Variants in MYT1L observed in about 807,000 individuals in gnomAD.
The protein encoded by MYT1L is myelin transcription factor 1-like protein.
Under a neutral mutation model 126.7 loss-of-function variants are expected in MYT1L, and 12 were observed. That is an observed-to-expected ratio of 0.09 (90% CI 0.06 to 0.15). The LOEUF is 0.15. MYT1L is among the 10% of genes least tolerant of loss of function. The pLI is 1.00. For synonymous variants in MYT1L, 541 were observed against 604.2 expected, an observed-to-expected ratio of 0.90 and a Z score of 1.53; for missense variants, 979 against 1,585.2, an observed-to-expected ratio of 0.62 and a Z score of 6.49.
intron 3 of MYT1L, among the ~76,000 whole-genome samples, chr2:2,133,218 A>T (rs1290788742): frequency 6.6e-6 from 1 of 152,166 alleles, no homozygotes; most frequent in African/African-American, 2.4e-5. Context: ...CGGCAGTGTA[A>T]AGCGATGATC....
At chr2:2,090,057 A>C (rs2076754247) in intron 3 of MYT1L, among the ~76,000 whole-genome samples, 1 of 152,192 alleles carries the variant, frequency 6.6e-6, no homozygotes, top group South Asian at 2.1e-4. Context: ...TGCAGGTATC[A>C]TACACAGTCT....
At chr2:2,089,945 C>T (rs2076743834) in intron 3 of MYT1L, among the ~76,000 whole-genome samples, 1 of 152,198 alleles carries the variant, frequency 6.6e-6, no homozygotes, top group South Asian at 2.1e-4. Context: ...ACACAACACA[C>T]CAGACACAGC....
At chr2:2,119,408 C>G (rs975412418) in intron 3 of MYT1L, among the ~76,000 whole-genome samples, 1 of 151,766 alleles carries the variant, frequency 6.6e-6, no homozygotes, top group East Asian at 1.9e-4. Context: ...GAGTCATTAC[C>G]CAAAAGTAAT....
chr2:2,032,696 C>T (rs2066478311), intron 4 of MYT1L, among the ~76,000 whole-genome samples: 1 of 111,024 alleles, frequency 9.0e-6, no homozygotes. Flanking sequence ...GCCTCTCATC[C>T]TGTGGCCCAG....
chr2:2,267,880 C>A (rs1052362979), intron 2 of MYT1L, among the ~76,000 whole-genome samples: 2 of 151,954 alleles, frequency 1.3e-5, no homozygotes, highest in African/African-American at 4.8e-5. Context: ...AAAAAAAAAC[C>A]AAGGACAGAG....
At chr2:1,886,264 T>C in intron 18 of MYT1L, 2 of 333,244 alleles carry the variant, frequency 6.0e-6, no homozygotes, top group Non-Finnish European at 1.1e-5. Flanking sequence ...TATGCATGCA[T>C]ATCTGAAGAG....
At chr2:2,185,591 A>G (rs9677126) in intron 2 of MYT1L, among the ~76,000 whole-genome samples, 7,582 of 99,668 alleles carry the variant, frequency 0.076, 514 homozygotes, top group African/African-American at 0.16. Context: ...GGACGCAGCC[A>G]GGCCTTCCGG....
At chr2:1,962,553 G>T (rs966704161) in intron 8 of MYT1L, among the ~76,000 whole-genome samples, 2 of 152,088 alleles carry the variant, frequency 1.3e-5, no homozygotes, top group African/African-American at 4.8e-5. Flanking sequence ...TTCTCACATC[G>T]ATCGAGACTT....
chr2:2,305,957 T>C (rs2095851790), intron 1 of MYT1L: 1 of 152,242 alleles, frequency 6.6e-6, no homozygotes, highest in African/African-American at 2.4e-5. Flanking sequence ...TGCCTATTTC[T>C]GGACAATGGC....
intron 21 of MYT1L, among the ~76,000 whole-genome samples, chr2:1,836,504 C>A (rs1480663220): frequency 1.3e-5 from 2 of 151,396 alleles, no homozygotes; most frequent in Non-Finnish European, 2.9e-5. Context: ...ATTCCATCAG[C>A]CTGCACCCAA....
chr2:1,953,418 G>A, intron 8 of MYT1L, among the ~76,000 whole-genome samples: 1 of 152,090 alleles, frequency 6.6e-6, no homozygotes, highest in East Asian at 1.9e-4. Flanking sequence ...CTTCTTGCTG[G>A]AATTTTCTCT....
chr2:1,826,784 G>C (rs2039413649), intron 21 of MYT1L, among the ~76,000 whole-genome samples: 1 of 146,640 alleles, frequency 6.8e-6, no homozygotes, highest in African/African-American at 2.5e-5. Flanking sequence ...GTCCCTGAAG[G>C]CTTCCTTGTA....
At chr2:1,913,547 T>C (rs570154707) in intron 11 of MYT1L, among the ~76,000 whole-genome samples, 8 of 152,250 alleles carry the variant, frequency 5.3e-5, no homozygotes, top group Admixed American at 3.3e-4. Context: ...AGGATGTCGA[T>C]CTACCTACTT....
rs554589987 is a variant in MYT1L, at chr2:2,097,053, C to A, written c.-303-42930G>T. ...CCTCTGTTCTGCCACCTCTTCCAAT[C>A]TCCCTGCAACCACAGGGAGCACCAT... On this transcript the variant is annotated intron_variant, in intron 3 of 24. Transcript: ENST00000647738. Among the ~76,000 whole-genome samples the A allele has an allele frequency of 9.2e-5, 14 of 152,316 alleles. No individual in the cohort carries two copies. In the South Asian group the frequency reaches 2.7e-3, roughly 29 times the overall value.
Position 1,887,383 on chromosome 2 carries a change from G to T in MYT1L, c.2642+105C>A. On this transcript the variant is annotated intron_variant, in intron 17 of 24. Transcript: ENST00000647738. The surrounding 1 kb of genome is among the most constrained non-coding windows in gnomAD (Gnocchi z 4.8). Reference sequence around the variant, plus strand: ...TCGGAAACATTTATATGCTGCGAATGTCGCATGCTCAAACGGCAAGGCATA... The same window carrying T: ...TCGGAAACATTTATATGCTGCGAATTTCGCATGCTCAAACGGCAAGGCATA... The T allele has an allele frequency of 6.9e-7, 1 of 1,447,322 alleles. No individual in the cohort carries two copies. Among genetic ancestry groups the T allele is most frequent in the Non-Finnish European group, 9.6e-7 (1 of 1,041,036 alleles). The allele number at this position is 1,447,322 out of a possible 1,614,324, so 89.7% of individuals were successfully genotyped here. A position where few individuals can be genotyped will look rare whatever the true frequency, so the allele number is the denominator to read the frequency against.
chr2:2,089,681 G>A (rs2076713810), intron 3 of MYT1L, among the ~76,000 whole-genome samples: 2 of 152,158 alleles, frequency 1.3e-5, no homozygotes, highest in African/African-American at 4.8e-5. Flanking sequence ...CAGAGTAGGA[G>A]GAGGAAATTG....
intron 8 of MYT1L, among the ~76,000 whole-genome samples, chr2:1,974,147 T>C (rs565236540): frequency 1.3e-5 from 2 of 152,318 alleles, no homozygotes; most frequent in East Asian, 3.9e-4. Context: ...TACTCTTCCT[T>C]GATATTGGGG....
At chr2:2,120,240 G>A (rs1190334160) in intron 3 of MYT1L, among the ~76,000 whole-genome samples, 3 of 152,148 alleles carry the variant, frequency 2.0e-5, no homozygotes, top group African/African-American at 4.8e-5. Context: ...AGCCCTGGGA[G>A]GGAGTGGTCG....
chr2:2,011,748 CA>C (rs1407939406), intron 4 of MYT1L, among the ~76,000 whole-genome samples: 1 of 152,110 alleles, frequency 6.6e-6, no homozygotes, highest in Non-Finnish European at 1.5e-5. Flanking sequence ...AGAAAATCTG[CA>C]AAAAACCCTA....
Sources: allele counts gnomAD v4.1 joint callset (sites outside exome capture counted in the v4.1 genomes callset), GRCh38; gene constraint gnomAD v4.1.1; non-coding constraint Gnocchi (gnomAD v3.1); transcripts MANE v1.5; gene names NCBI Gene and HGNC (gene_info 2026-07-23, HGNC 2026-07-21).